MSI2: variants seen among roughly 807,000 people sequenced by gnomAD.
The protein encoded by MSI2 is musashi RNA binding protein 2.
In MSI2, 17 loss-of-function variants were observed where a neutral mutation model predicts 45.6. The ratio of observed to expected loss-of-function variants is 0.37; its 90% CI spans 0.26 to 0.56. The LOEUF is 0.56. MSI2 is among the 20% of genes least tolerant of loss of function. The pLI, the probability that MSI2 is intolerant of heterozygous loss-of-function variation, is 0.77. For synonymous variants in MSI2, 156 were observed against 158.2 expected, an observed-to-expected ratio of 0.99 and a Z score of 0.11; for missense variants, 293 against 444.2, an observed-to-expected ratio of 0.66 and a Z score of 3.06.
intron 7 of MSI2, among the ~76,000 whole-genome samples, chr17:57,532,691 T>C (rs2086846335): frequency 6.6e-6 from 1 of 152,202 alleles, no homozygotes; most frequent in African/African-American, 2.4e-5. Flanking sequence ...CAAACTTACC[T>C]TCACCTCCTC....
At position 57,514,659 on chromosome 17, in the gene MSI2, T is replaced by G. The variant is rs549072831; in HGVS notation, c.406-15017T>G. Among the ~76,000 whole-genome samples, 398 of 151,940 alleles carry G rather than the reference T, an allele frequency of 2.6e-3. 2 individuals are homozygous for G. Among genetic ancestry groups the G allele is most frequent in the South Asian group, 9.4e-3 (45 of 4,800 alleles). ...GCAGCTTGAATTGATACTTTTTTTTTTTTTTTTTTTTTTAAGGGAAGATAT... is the reference window on the plus strand; with the variant it reads ...GCAGCTTGAATTGATACTTTTTTTTGTTTTTTTTTTTTTAAGGGAAGATAT... On this transcript the variant is annotated intron_variant, in intron 6 of 13. Coordinates refer to ENST00000284073, the MANE Select transcript of MSI2 (RefSeq NM_138962.4).
rs1202467259 is a variant in MSI2, at chr17:57,677,277, ACT to A, written c.*31+227_*31+228del. Among the ~76,000 whole-genome samples, 7 of 148,426 alleles carry A rather than the reference ACT, an allele frequency of 4.7e-5. No individual in the cohort carries two copies. The East Asian group carries it at 1.0e-3, about 21-fold the overall frequency. On this transcript the variant is annotated intron_variant, in intron 13 of 13. Transcript: ENST00000284073. ...TTTAATCATGACCCCCACCTTTTTG[ACT>A]CTCTCTCTTTTTTTCTTGATTTGGT...
intron 6 of MSI2, among the ~76,000 whole-genome samples, chr17:57,454,202 G>A (rs1466432720): frequency 6.6e-6 from 1 of 152,192 alleles, no homozygotes; most frequent in Non-Finnish European, 1.5e-5. Context: ...GCGGAGTGAT[G>A]ATTAATAGTG....
chr17:57,301,828 A>G (rs1264784009), intron 5 of MSI2, among the ~76,000 whole-genome samples: 1 of 150,526 alleles, frequency 6.6e-6, no homozygotes, highest in African/African-American at 2.5e-5. Flanking sequence ...TCTGGTGTTT[A>G]TACATGAGTT....
intron 8 of MSI2, chr17:57,601,432 C>T (rs1219057367): frequency 1.3e-5 from 2 of 152,298 alleles, no homozygotes; most frequent in East Asian, 3.9e-4. Context: ...TCCCTGGCCA[C>T]TCTGTGTGCC....
At chr17:57,566,539 G>A (rs1196647741) in intron 7 of MSI2, among the ~76,000 whole-genome samples, 1 of 152,160 alleles carries the variant, frequency 6.6e-6, no homozygotes, top group African/African-American at 2.4e-5. Flanking sequence ...GTTTACCTGT[G>A]CAGAAGTCAT....
rs538620081 is a variant in MSI2 at position 57,283,948 on chromosome 17, T to C, written c.312+21756T>C. ...TCCCGGAGACCCTTGGGTTAGGAAA[T>C]ATTGATTGCTCTGTATTTGTAAACA... On this transcript the variant is annotated intron_variant, in intron 5 of 13. Transcript: ENST00000284073. 2.6e-5 allele frequency among the ~76,000 whole-genome samples: 4 copies of C among 152,242 alleles called. No homozygotes were observed. The South Asian group carries it at 8.3e-4, about 32-fold the overall frequency.
At chr17:57,351,045 A>G (rs1019041544) in intron 5 of MSI2, among the ~76,000 whole-genome samples, 2 of 152,010 alleles carry the variant, frequency 1.3e-5, no homozygotes, top group Non-Finnish European at 2.9e-5. Flanking sequence ...GAGGTTCCCA[A>G]CTGGACCTGT....
chr17:57,535,329 C>T (rs1398421447), intron 7 of MSI2, among the ~76,000 whole-genome samples: 1 of 152,176 alleles, frequency 6.6e-6, no homozygotes, highest in Non-Finnish European at 1.5e-5. Flanking sequence ...TGGGTTCCTC[C>T]AGGGAAGATC....
At chr17:57,416,044 T>TCTC (rs2084288055) in intron 6 of MSI2, among the ~76,000 whole-genome samples, 1 of 152,204 alleles carries the variant, frequency 6.6e-6, no homozygotes, top group African/African-American at 2.4e-5. Flanking sequence ...GCAAATGTGA[T>TCTC]CTCACTGGAT....
chr17:57,542,407 A>G (rs988492982), intron 7 of MSI2, among the ~76,000 whole-genome samples: 7 of 152,198 alleles, frequency 4.6e-5, no homozygotes, highest in African/African-American at 1.7e-4. Context: ...GTTGGTTAGG[A>G]AAGTCTGGCT....
chr17:57,662,879 G>T (rs974106531), intron 11 of MSI2, among the ~76,000 whole-genome samples: 2 of 152,198 alleles, frequency 1.3e-5, no homozygotes, highest in Admixed American at 6.5e-5. Flanking sequence ...AAAGGAGGCC[G>T]GGAGGAGGCG....
chr17:57,277,669 G>C (rs1030174981), intron 5 of MSI2, among the ~76,000 whole-genome samples: 16 of 152,114 alleles, frequency 1.1e-4, no homozygotes, highest in African/African-American at 3.9e-4. Flanking sequence ...TTGACCTTGG[G>C]GAGTTCACTT....
At chr17:57,415,750 C>A (rs1434137727) in intron 6 of MSI2, among the ~76,000 whole-genome samples, 2 of 152,008 alleles carry the variant, frequency 1.3e-5, no homozygotes, top group Non-Finnish European at 2.9e-5. Context: ...GCACAAAGCC[C>A]TCTCTGTGTG....
At chr17:57,512,246 A>T (rs910921237) in intron 6 of MSI2, among the ~76,000 whole-genome samples, 6 of 152,162 alleles carry the variant, frequency 3.9e-5, no homozygotes, top group Admixed American at 1.3e-4. Flanking sequence ...TGGGCCTAAT[A>T]TGGTAAATAT....
chr17:57,534,415 T>A (rs1021460784), intron 7 of MSI2, among the ~76,000 whole-genome samples: 1 of 152,210 alleles, frequency 6.6e-6, no homozygotes, highest in Non-Finnish European at 1.5e-5. Flanking sequence ...AGAGCTGTTG[T>A]TAAAACCTGG....
intron 8 of MSI2, among the ~76,000 whole-genome samples, chr17:57,612,632 G>A (rs372189022): frequency 1.1e-4 from 17 of 152,372 alleles, no homozygotes; most frequent in African/African-American, 4.1e-4. Context: ...CAGCAGCAAA[G>A]ACAGAGCAGA....
At chr17:57,663,820 G>A (rs1912182812) in intron 11 of MSI2, among the ~76,000 whole-genome samples, 1 of 152,112 alleles carries the variant, frequency 6.6e-6, no homozygotes, top group Non-Finnish European at 1.5e-5. Flanking sequence ...TGGCTTAAAG[G>A]GCACATTCCG....
chr17:57,317,506 CTTTTTTTTT>C (rs921448429), intron 5 of MSI2, among the ~76,000 whole-genome samples: 2 of 94,540 alleles, frequency 2.1e-5, no homozygotes, highest in South Asian at 6.9e-4. Context: ...TATAGTTTTG[CTTTTTTTTT>C]TTTTTTTTTT....
Sources: allele counts gnomAD v4.1 joint callset (sites outside exome capture counted in the v4.1 genomes callset), GRCh38; gene constraint gnomAD v4.1.1; transcripts MANE v1.5; gene names NCBI Gene and HGNC (gene_info 2026-07-23, HGNC 2026-07-21).